Variants in HMGCLL1 observed in about 807,000 individuals in gnomAD.
HMGCLL1 encodes 3-hydroxymethyl-3-methylglutaryl-CoA lyase, cytoplasmic.
HMGCLL1 carries 36 observed loss-of-function variants against 39.1 expected under a neutral mutation model. The ratio of observed to expected loss-of-function variants is 0.92; its 90% CI spans 0.71 to 1.22. HMGCLL1 has a LOEUF of 1.22. Ranked by LOEUF, HMGCLL1 falls within the 50% of genes most tolerant of loss-of-function variation. The pLI, the probability that HMGCLL1 is intolerant of heterozygous loss-of-function variation, is 0.00. For missense variants in HMGCLL1, 451 were observed against 416.5 expected, an observed-to-expected ratio of 1.08 and a Z score of -0.72; for synonymous variants, 149 against 144.0, an observed-to-expected ratio of 1.03 and a Z score of -0.25.
chr6:55,469,022 G>C (rs918661625), intron 7 of HMGCLL1, among the ~76,000 whole-genome samples: 1 of 151,692 alleles, frequency 6.6e-6, no homozygotes, highest in Non-Finnish European at 1.5e-5. Flanking sequence ...CTATTTGATC[G>C]TGCAGCATTT....
At chr6:55,636,905 G>A in the HMGCLL1 span, among the ~76,000 whole-genome samples, 5 of 152,034 alleles carry the variant, frequency 3.3e-5, no homozygotes, top group African/African-American at 1.2e-4. Flanking sequence ...CGGTACAAAG[G>A]GCTTCCTGCA....
chr6:55,523,143 A>C (rs1249329658), intron 3 of HMGCLL1, among the ~76,000 whole-genome samples: 1 of 79,494 alleles, frequency 1.3e-5, no homozygotes, highest in African/African-American at 4.4e-5. Context: ...AGTGAGTCTC[A>C]GCCATTGTCC....
chr6:55,579,523 G>A (rs1476184315), upstream of HMGCLL1, among the ~76,000 whole-genome samples: 1 of 152,166 alleles, frequency 6.6e-6, no homozygotes, highest in African/African-American at 2.4e-5. Flanking sequence ...GTGCTCAAGT[G>A]TAGATTTGCC....
At chr6:55,656,630 G>A in the HMGCLL1 span, among the ~76,000 whole-genome samples, 2 of 151,886 alleles carry the variant, frequency 1.3e-5, no homozygotes, top group Admixed American at 1.3e-4. Flanking sequence ...GAAGGAAACT[G>A]GGATTCTGAA....
At chr6:55,673,667 A>G in the HMGCLL1 span, among the ~76,000 whole-genome samples, 4 of 151,992 alleles carry the variant, frequency 2.6e-5, no homozygotes, top group Admixed American at 2.0e-4. Context: ...AATAATGCAT[A>G]ATAGCAAACT....
the HMGCLL1 span, among the ~76,000 whole-genome samples, chr6:55,636,204 A>G: frequency 4.6e-5 from 7 of 152,314 alleles, no homozygotes; most frequent in South Asian, 1.0e-3. Flanking sequence ...TAATTAAGGA[A>G]TGATTAAAAA....
At chr6:55,449,500 T>A (rs1353179540) in intron 7 of HMGCLL1, among the ~76,000 whole-genome samples, 1 of 152,186 alleles carries the variant, frequency 6.6e-6, no homozygotes, top group African/African-American at 2.4e-5. Context: ...GAAACAAACA[T>A]CTATGTGTTG....
chr6:55,457,884 G>A (rs1010848035), intron 7 of HMGCLL1, among the ~76,000 whole-genome samples: 4 of 152,052 alleles, frequency 2.6e-5, no homozygotes, highest in Non-Finnish European at 4.4e-5. Context: ...ACCAGAATAC[G>A]AAAATTTCCC....
chr6:55,623,328 T>A, the HMGCLL1 span, among the ~76,000 whole-genome samples: 4 of 152,000 alleles, frequency 2.6e-5, no homozygotes, highest in Non-Finnish European at 5.9e-5. Context: ...TTCTTTAAGA[T>A]ATATTGTTAG....
chr6:55,571,915 A>G (rs1561970109), intron 1 of HMGCLL1, among the ~76,000 whole-genome samples: 1 of 152,222 alleles, frequency 6.6e-6, no homozygotes, highest in Non-Finnish European at 1.5e-5. Flanking sequence ...ATACATTTAA[A>G]GCAAAACAAT....
intron 7 of HMGCLL1, among the ~76,000 whole-genome samples, chr6:55,466,873 C>T (rs2127400168): frequency 6.6e-6 from 1 of 152,184 alleles, no homozygotes; most frequent in Non-Finnish European, 1.5e-5. Flanking sequence ...TGTGGTCCTC[C>T]ATCACCTGCT....
intron 7 of HMGCLL1, among the ~76,000 whole-genome samples, chr6:55,443,892 G>A (rs958847712): frequency 1.3e-5 from 2 of 151,672 alleles, no homozygotes; most frequent in African/African-American, 4.8e-5. Flanking sequence ...AGGCTCAAAA[G>A]AAGACATACG....
At chr6:55,552,641 T>G (rs1770404461) in intron 1 of HMGCLL1, among the ~76,000 whole-genome samples, 1 of 151,974 alleles carries the variant, frequency 6.6e-6, no homozygotes. Flanking sequence ...TATTTTTTGT[T>G]TATTTATTCA....
intron 7 of HMGCLL1, among the ~76,000 whole-genome samples, chr6:55,443,405 T>A (rs1039612636): frequency 2.6e-5 from 4 of 152,168 alleles, no homozygotes; most frequent in Non-Finnish European, 5.9e-5. Flanking sequence ...ATGTTCCTTT[T>A]CTCGCTACTG....
At chr6:55,509,860 G>A (rs1767350880) in intron 5 of HMGCLL1, among the ~76,000 whole-genome samples, 1 of 151,828 alleles carries the variant, frequency 6.6e-6, no homozygotes, top group African/African-American at 2.4e-5. Context: ...GAGAAAAATA[G>A]TAGACGAAGA....
chr6:55,466,847 C>T (rs1173204023), intron 7 of HMGCLL1, among the ~76,000 whole-genome samples: 1 of 152,030 alleles, frequency 6.6e-6, no homozygotes. Flanking sequence ...AATAGCACTT[C>T]CCTGCTTAAA....
chr6:55,657,940 G>T, the HMGCLL1 span, among the ~76,000 whole-genome samples: 4 of 151,716 alleles, frequency 2.6e-5, no homozygotes, highest in African/African-American at 9.7e-5. Context: ...GGAGGATCAG[G>T]AAAAATAACT....
chr6:55,654,274 A>ATT, the HMGCLL1 span, among the ~76,000 whole-genome samples: 1 of 151,654 alleles, frequency 6.6e-6, no homozygotes, highest in African/African-American at 2.4e-5. Flanking sequence ...TTATAATGAA[A>ATT]TTTTTGAACA....
At chr6:55,636,385 T>C in the HMGCLL1 span, among the ~76,000 whole-genome samples, 1 of 152,144 alleles carries the variant, frequency 6.6e-6, no homozygotes, top group African/African-American at 2.4e-5. Flanking sequence ...AAATGTACAG[T>C]AACTTGTTCT....
Sources: allele counts gnomAD v4.1 joint callset (sites outside exome capture counted in the v4.1 genomes callset), GRCh38; gene constraint gnomAD v4.1.1; transcripts MANE v1.5; gene names NCBI Gene and HGNC (gene_info 2026-07-23, HGNC 2026-07-21).